The following VPS41 variants were observed in gnomAD, a reference collection of about 807,000 sequenced individuals.
VPS41 encodes the protein vacuolar protein sorting-associated protein 41 homolog.
A neutral mutation model predicts 130.9 loss-of-function variants in VPS41; 85 were observed. The observed-to-expected ratio is 0.65, with a 90% CI of 0.55 to 0.78. The LOEUF (loss-of-function observed/expected upper bound fraction) is 0.78. Among genes scored for constraint, VPS41 ranks in the 30% least tolerant of loss-of-function variants. The pLI is 0.00. For missense variants in VPS41, 874 were observed against 1,018.7 expected, an observed-to-expected ratio of 0.86 and a Z score of 1.93; for synonymous variants, 335 against 332.9, an observed-to-expected ratio of 1.01 and a Z score of -0.07.
chr7:38,862,034 G>A (rs912336660), intron 4 of VPS41, among the ~76,000 whole-genome samples: 1 of 152,110 alleles, frequency 6.6e-6, no homozygotes, highest in African/African-American at 2.4e-5. Flanking sequence ...AAGAAGACAG[G>A]GCATGTACTT....
intron 1 of VPS41, among the ~76,000 whole-genome samples, chr7:38,906,619 A>G (rs1204409370): frequency 6.6e-6 from 1 of 152,130 alleles, no homozygotes; most frequent in African/African-American, 2.4e-5. Context: ...GATTACAGGT[A>G]TGGGCCATTG....
At chr7:38,832,795 C>T (rs6972321) in intron 4 of VPS41, among the ~76,000 whole-genome samples, 10,266 of 152,130 alleles carry the variant, frequency 0.067, 1,084 homozygotes, top group African/African-American at 0.22. Flanking sequence ...TGCACCTCTT[C>T]TTTTTTACAT....
At chr7:38,832,476 G>A (rs897041627) in intron 4 of VPS41, among the ~76,000 whole-genome samples, 4 of 151,808 alleles carry the variant, frequency 2.6e-5, no homozygotes, top group Admixed American at 2.0e-4. Flanking sequence ...GTGCCACCAC[G>A]TCCAGCTAAT....
At chr7:38,830,467 C>A in intron 4 of VPS41, 139 bp from the exon 5 acceptor site, 1 of 691,844 alleles carries the variant, frequency 1.4e-6, no homozygotes, top group South Asian at 1.7e-5. Context: ...TTACACAAAG[C>A]ACAGTAGAAA....
intron 10 of VPS41, among the ~76,000 whole-genome samples, chr7:38,785,395 C>T (rs936304229): frequency 6.6e-6 from 1 of 152,184 alleles, no homozygotes; most frequent in African/African-American, 2.4e-5. Context: ...TCAAATCAGA[C>T]AGGAGCCGAA....
rs1795600064 is a variant in VPS41 at position 38,728,775 on chromosome 7, C to G, written c.2276G>C (p.Gly759Ala). Residue 759 changes from glycine (G) to alanine (A), a missense_variant, in exon 26 of 29, where the codon GGC (glycine) becomes GCC (alanine). Physicochemically the swap from Gly to Ala is moderately conservative, Grantham distance 60 (BLOSUM62 0). Transcript: ENST00000310301. ...DYNLQILLREGCKKILVADSL... is the reference protein window; with the variant it reads ...DYNLQILLREACKKILVADSL... ...GTCAGCTACGAGAATCTTCTTGCAG[C>G]CTTCACGAAGCAGAATCTAATGCAT... 6.2e-7 allele frequency: 1 copy of G among 1,613,944 alleles called. No homozygotes were observed. Among genetic ancestry groups the G allele is most frequent in the African/African-American group, 1.3e-5 (1 of 74,900 alleles).
intron 3 of VPS41, among the ~76,000 whole-genome samples, chr7:38,864,069 G>A (rs1485040438): frequency 6.6e-6 from 1 of 152,150 alleles, no homozygotes; most frequent in East Asian, 1.9e-4. Flanking sequence ...TCCATTCTGA[G>A]GCTATCTGTG....
intron 5 of VPS41, among the ~76,000 whole-genome samples, chr7:38,828,873 T>C (rs769189435): frequency 3.3e-5 from 5 of 152,164 alleles, no homozygotes; most frequent in Non-Finnish European, 7.4e-5. Context: ...GTGCATTAAA[T>C]AACAATTCTT....
chr7:38,726,791 A>T, intron 28 of VPS41, 118 bp downstream of exon 28: 1 of 848,008 alleles, frequency 1.2e-6, no homozygotes, highest in Admixed American at 3.1e-5. Context: ...ATATAAATCC[A>T]CATTGTAATT....
rs142833840 is a variant in VPS41, at chr7:38,795,612, C to T, written c.571-1G>A. On this transcript the variant is annotated splice_acceptor_variant, in intron 8 of 28. Coordinates refer to ENST00000310301, the MANE Select transcript of VPS41 (RefSeq NM_014396.4). LOFTEE classifies it high-confidence loss of function. ...AGATGATGTCAAAAATCTTCACACC[C>T]TGGAAAATAATACAGCAGTAAGCAT... 6 of 1,609,524 alleles carry T rather than the reference C, an allele frequency of 3.7e-6. No homozygotes were observed. The African/African-American group carries it at 8.0e-5, about 22-fold the overall frequency.
intron 14 of VPS41, 81 bp downstream of exon 14, chr7:38,771,117 G>A: frequency 1.9e-6 from 2 of 1,026,610 alleles, no homozygotes; most frequent in Non-Finnish European, 2.9e-6. Flanking sequence ...GGAAAAACCT[G>A]TTCTTTTCAA....
intron 7 of VPS41, among the ~76,000 whole-genome samples, chr7:38,807,315 T>TA (rs1438183759): frequency 6.6e-6 from 1 of 152,214 alleles, no homozygotes. Context: ...TCACTATTGT[T>TA]AGACAGCTTG....
At chr7:38,897,794 T>TA (rs1212929961) in intron 2 of VPS41, among the ~76,000 whole-genome samples, 2 of 152,236 alleles carry the variant, frequency 1.3e-5, no homozygotes, top group Non-Finnish European at 2.9e-5. Flanking sequence ...AGGGGGATGT[T>TA]AAAGTGTTGA....
chr7:38,776,598 C>T, intron 11 of VPS41, 81 bp downstream of exon 11: 1 of 754,486 alleles, frequency 1.3e-6, no homozygotes, highest in Non-Finnish European at 2.4e-6. Context: ...ATAGCGTATG[C>T]TACTGATGAA....
chr7:38,738,743 A>ACATG (rs1174343486), intron 25 of VPS41, among the ~76,000 whole-genome samples: 2 of 152,216 alleles, frequency 1.3e-5, no homozygotes, highest in Non-Finnish European at 2.9e-5. Flanking sequence ...GAAGTGCAAT[A>ACATG]CATGCCACTT....
At chr7:38,736,477 A>G (rs1381727800) in intron 25 of VPS41, among the ~76,000 whole-genome samples, 1 of 152,262 alleles carries the variant, frequency 6.6e-6, no homozygotes, top group Non-Finnish European at 1.5e-5. Context: ...GCAAAGCCAG[A>G]ACAGGAGCCC....
At chr7:38,821,364 T>G (rs1785168245) in intron 5 of VPS41, 99 bp from the exon 6 acceptor site, 2 of 829,512 alleles carry the variant, frequency 2.4e-6, no homozygotes, top group African/African-American at 1.7e-5. Flanking sequence ...AGTAGAATAT[T>G]TAATAATTTT....
At chr7:38,764,325 C>T (rs1207458653) in intron 16 of VPS41, among the ~76,000 whole-genome samples, 3 of 152,176 alleles carry the variant, frequency 2.0e-5, no homozygotes, top group East Asian at 1.9e-4. Flanking sequence ...GAGCCATGAA[C>T]ATGCATCTGT....
intron 4 of VPS41, among the ~76,000 whole-genome samples, chr7:38,850,048 A>G (rs1434752571): frequency 1.3e-5 from 2 of 152,220 alleles, no homozygotes; most frequent in African/African-American, 2.4e-5. Context: ...TGAACCTAAA[A>G]CACCATAAAT....
Sources: allele counts gnomAD v4.1 joint callset (sites outside exome capture counted in the v4.1 genomes callset), GRCh38; gene constraint gnomAD v4.1.1; transcripts MANE v1.5; gene names NCBI Gene and HGNC (gene_info 2026-07-23, HGNC 2026-07-21).